The following ARFGEF2 variants were observed in gnomAD, a reference collection of about 807,000 sequenced individuals.
ARFGEF2 encodes the protein brefeldin A-inhibited guanine nucleotide-exchange protein 2.
ARFGEF2 carries 74 observed loss-of-function variants against 219.9 expected under a neutral mutation model. That is an observed-to-expected ratio of 0.34 (90% confidence interval 0.28 to 0.41). The LOEUF is 0.41. Ranked by LOEUF, ARFGEF2 falls within the 10% of genes least tolerant of loss-of-function variation. ARFGEF2 has a pLI of 1.00. For missense variants in ARFGEF2, 1,743 were observed against 2,218.3 expected (o/e 0.79, Z 4.30); for synonymous variants, 733 against 799.2 (o/e 0.92, Z 1.40).
chr20:48,970,777 A>G (rs981248599), intron 9 of ARFGEF2, among the ~76,000 whole-genome samples: 1 of 152,174 alleles, frequency 6.6e-6, no homozygotes, highest in Non-Finnish European at 1.5e-5. Context: ...TGTGAAACAG[A>G]GTGAGCCAGG....
intron 25 of ARFGEF2, among the ~76,000 whole-genome samples, chr20:49,003,263 C>T (rs1230638557): frequency 6.6e-6 from 1 of 151,762 alleles, no homozygotes; most frequent in African/African-American, 2.4e-5. Context: ...CCACCACACC[C>T]AGCCCCAATT....
intron 1 of ARFGEF2, among the ~76,000 whole-genome samples, chr20:48,940,105 G>A (rs1038632989): frequency 1.3e-5 from 2 of 152,272 alleles, no homozygotes; most frequent in African/African-American, 2.4e-5. Flanking sequence ...TTAATGGTAC[G>A]AAACCTTGTT....
intron 15 of ARFGEF2, 150 bp downstream of exon 15, chr20:48,984,990 AC>A: frequency 7.1e-7 from 1 of 1,416,486 alleles, no homozygotes. Flanking sequence ...CCCCCGGGTT[AC>A]AGCAGTCCTG....
chr20:48,980,316 T>G (rs556134513), intron 14 of ARFGEF2, among the ~76,000 whole-genome samples: 3 of 152,330 alleles, frequency 2.0e-5, no homozygotes, highest in Admixed American at 6.5e-5. Context: ...TAATCCTGAG[T>G]TCTAATTTGA....
In ARFGEF2 at chr20:49,031,256, G is replaced by C. The variant is rs147930973; in HGVS notation, c.5064-793G>C. ...TTTTTTTTTTTTTTTTTTTGAGATA[G>C]TCTCACTCTATCGCCCAGGCTGGAG... On this transcript the variant is annotated intron_variant, in intron 37 of 38. Transcript: ENST00000371917. 1.3e-3 allele frequency among the ~76,000 whole-genome samples: 126 copies of C among 100,586 alleles called. 3 individuals carry two copies. In the East Asian group the frequency reaches 0.028, roughly 22 times the overall value. The allele number at this position is 100,586 out of a possible 152,430, so 66.0% of individuals were successfully genotyped here. A position where few individuals can be genotyped will look rare whatever the true frequency, so the allele number is the denominator to read the frequency against.
At chr20:48,983,716 TG>T (rs2123448921) in intron 14 of ARFGEF2, among the ~76,000 whole-genome samples, 1 of 152,322 alleles carries the variant, frequency 6.6e-6, no homozygotes, top group Non-Finnish European at 1.5e-5. Flanking sequence ...CCCTCAGACT[TG>T]GTAAAACATC....
intron 33 of ARFGEF2, among the ~76,000 whole-genome samples, chr20:49,018,595 G>T (rs923674837): frequency 6.6e-6 from 1 of 152,116 alleles, no homozygotes; most frequent in East Asian, 1.9e-4. Flanking sequence ...GAACTTGCTC[G>T]CATAAAAAAT....
rs149572174 is a variant in ARFGEF2, at chr20:48,925,519, T to C, written c.121+3509T>C. Among the ~76,000 whole-genome samples the C allele has an allele frequency of 4.9e-3, 739 of 152,290 alleles. 6 individuals carry two copies. The highest frequency in any genetic ancestry group is 0.017 in the African/African-American group (691 of 41,566). On this transcript the variant is annotated intron_variant, in intron 1 of 38. Coordinates refer to ENST00000371917, the MANE Select transcript of ARFGEF2 (RefSeq NM_006420.3). ...GAAGTTTGGAGGCTTAATAGGATAA[T>C]CTATTTAAAATTCGATATGGAAAAA...
intron 6 of ARFGEF2, among the ~76,000 whole-genome samples, chr20:48,959,441 G>A (rs114196542): frequency 2.2e-4 from 5 of 23,086 alleles, no homozygotes; most frequent in African/African-American, 4.9e-4. Flanking sequence ...CCTTCCCTCC[G>A]TCCCTCCTTC....
chr20:49,025,625 T>G, intron 36 of ARFGEF2, 144 bp downstream of exon 36: 7 of 906,314 alleles, frequency 7.7e-6, no homozygotes, highest in Non-Finnish European at 1.2e-5. Context: ...AGAAGGGAAA[T>G]GTTGGATAGG....
At chr20:49,029,739 G>A (rs907032590) in intron 37 of ARFGEF2, among the ~76,000 whole-genome samples, 2 of 151,666 alleles carry the variant, frequency 1.3e-5, no homozygotes, top group African/African-American at 2.4e-5. Context: ...TTACAGGCGC[G>A]TGCCACCATA....
intron 27 of ARFGEF2, among the ~76,000 whole-genome samples, chr20:49,010,763 A>G (rs986645672): frequency 2.6e-5 from 4 of 152,210 alleles, no homozygotes; most frequent in African/African-American, 7.2e-5. Context: ...TTCCGTGTGT[A>G]TACTCACTAA....
intron 4 of ARFGEF2, 80 bp downstream of exon 4, chr20:48,951,549 G>A: frequency 6.3e-7 from 1 of 1,585,652 alleles, no homozygotes; most frequent in East Asian, 2.2e-5. Flanking sequence ...AATTTACTAT[G>A]TGTTAGTTGT....
intron 10 of ARFGEF2, 29 bp from the exon 11 acceptor site, chr20:48,972,296 AG>A: frequency 6.7e-7 from 1 of 1,499,628 alleles, no homozygotes; most frequent in Non-Finnish European, 9.3e-7. Context: ...ACTGTTAATT[AG>A]TGTCCTCCTT....
intron 1 of ARFGEF2, among the ~76,000 whole-genome samples, chr20:48,925,698 G>A (rs1014221334): frequency 6.6e-6 from 1 of 152,100 alleles, no homozygotes; most frequent in Non-Finnish European, 1.5e-5. Flanking sequence ...TTAGCTGGGT[G>A]TGGTAGTGCA....
At chr20:49,006,924 C>T (rs2091464358) in intron 26 of ARFGEF2, among the ~76,000 whole-genome samples, 1 of 151,790 alleles carries the variant, frequency 6.6e-6, no homozygotes, top group Non-Finnish European at 1.5e-5. Context: ...TCATGATCCG[C>T]CCACCTGGGC....
In ARFGEF2 at chr20:49,035,046, A is replaced by G. The variant is rs1216013377; in HGVS notation, c.*1847A>G. 6.6e-6 allele frequency: 1 copy of G among 152,192 alleles called. No homozygotes were observed. The highest frequency in any genetic ancestry group is 1.5e-5 in the Non-Finnish European group (1 of 68,042). The allele number at this position is 152,192 out of a possible 1,614,324, so 9.4% of individuals were successfully genotyped here. A position where few individuals can be genotyped will look rare whatever the true frequency, so the allele number is the denominator to read the frequency against. The stretch of plus-strand genomic sequence containing the variant: ...ATCCACTGCACCTTTACACTGCACC[A>G]TGAAACCTACACTCCCTGGTATCAT... On this transcript the variant is annotated 3_prime_UTR_variant, in exon 39 of 39. Coordinates refer to ENST00000371917, the MANE Select transcript of ARFGEF2 (RefSeq NM_006420.3).
Position 49,011,953 on chromosome 20 carries a change from G to A in ARFGEF2, c.3787G>A (p.Ala1263Thr), listed in dbSNP as rs753305440. 3.1e-5 allele frequency: 50 copies of A among 1,614,202 alleles called. 1 individual carries two copies. The South Asian group carries it at 5.5e-4, about 18-fold the overall frequency. Residue 1263 changes from alanine (A) to threonine (T), a missense_variant, in exon 28 of 39, where the codon GCC (alanine) becomes ACC (threonine). Physicochemically the swap from Ala to Thr is moderately conservative, Grantham distance 58. Transcript: ENST00000371917. ...TTIFQHHFPA[A>T]IDSFQDAVKC... ...TATTTTCCAGCACCATTTTCCTGCA[G>A]CCATCGATTCCTTTCAGGATGCTGT...
intron 30 of ARFGEF2, among the ~76,000 whole-genome samples, chr20:49,014,793 G>A (rs2091520514): frequency 6.6e-6 from 1 of 152,174 alleles, no homozygotes; most frequent in Non-Finnish European, 1.5e-5. Flanking sequence ...TGAGGTCATA[G>A]TATAGATAGA....
Sources: allele counts gnomAD v4.1 joint callset (sites outside exome capture counted in the v4.1 genomes callset), GRCh38; gene constraint gnomAD v4.1.1; transcripts MANE v1.5; gene names NCBI Gene and HGNC (gene_info 2026-07-23, HGNC 2026-07-21).